Variants in HAUS7 observed in about 807,000 individuals in gnomAD.
HAUS7 encodes the protein HAUS augmin-like complex subunit 7.
Under a neutral mutation model 28.4 loss-of-function variants are expected in HAUS7, and 3 were observed. The ratio of observed to expected loss-of-function variants is 0.11; its 90% confidence interval spans 0.05 to 0.27. The LOEUF (loss-of-function observed/expected upper bound fraction) is 0.27. Among genes scored for constraint, HAUS7 ranks in the 10% least tolerant of loss-of-function variants. The pLI is 1.00. For missense variants in HAUS7, 284 were observed against 297.3 expected (o/e 0.96, Z 0.33); for synonymous variants, 165 against 132.1 (o/e 1.25, Z -1.71).
At chrX:153,457,084 A>G (rs2089323107) in intron 5 of HAUS7, 53 bp downstream of exon 5, 1 of 806,338 alleles carries the variant, frequency 1.2e-6, no homozygotes, top group East Asian at 3.1e-5. Context: ...CTCCAGAACT[A>G]GGACCAAGAG....
At chrX:153,488,098 G>T (rs782247111) in intron 1 of HAUS7, among the ~76,000 whole-genome samples, 3 of 112,816 alleles carry the variant, frequency 2.7e-5, no homozygotes, top group African/African-American at 9.7e-5. Context: ...GAAGGATGCC[G>T]CAGGAGAGGG....
intron 1 of HAUS7, among the ~76,000 whole-genome samples, chrX:153,494,326 G>C (rs894141185): frequency 1.3e-4 from 15 of 112,862 alleles, no homozygotes; most frequent in African/African-American, 4.8e-4. Flanking sequence ...GTTCAGGGCA[G>C]GCAAGCTGGG....
At chrX:153,463,915 G>A in intron 3 of HAUS7, among the ~76,000 whole-genome samples, 1 of 112,857 alleles carries the variant, frequency 8.9e-6, no homozygotes, top group Non-Finnish European at 1.9e-5. Flanking sequence ...GCTGGCAGGT[G>A]CATGAACAAT....
At chrX:153,480,397 G>A (rs1171354595) in intron 1 of HAUS7, among the ~76,000 whole-genome samples, 1 of 111,470 alleles carries the variant, frequency 9.0e-6, no homozygotes, top group African/African-American at 3.3e-5. Context: ...GGCCCCAGGG[G>A]CTGGTGGCCT....
chrX:153,463,907 T>C (rs956512969), intron 3 of HAUS7, among the ~76,000 whole-genome samples: 2 of 112,883 alleles, frequency 1.8e-5, no homozygotes, highest in African/African-American at 3.2e-5. Flanking sequence ...TGCTTCTCGC[T>C]GGCAGGTGCA....
intron 1 of HAUS7, among the ~76,000 whole-genome samples, chrX:153,493,529 G>C (rs944873240): frequency 1.8e-5 from 2 of 112,299 alleles, no homozygotes; most frequent in Non-Finnish European, 3.8e-5. Context: ...TGTCTGGAAA[G>C]GGCATATGTG....
At position 153,480,890 on chromosome X, in the gene HAUS7, C is replaced by T. The variant is rs782596685; in HGVS notation, c.-588-9745G>A. On this transcript the variant is annotated intron_variant, in intron 1 of 5. Transcript: ENST00000370210. ...CCTTGAAGCTGAGGCCCTGGCAGGCCGGCAGGGACCCTCAAGCTCAAGAGG... is the reference window on the plus strand; with the variant it reads ...CCTTGAAGCTGAGGCCCTGGCAGGCTGGCAGGGACCCTCAAGCTCAAGAGG... 9 of 753,676 alleles carry T rather than the reference C, an allele frequency of 1.2e-5. No homozygotes were observed. In the South Asian group the frequency reaches 2.0e-4, roughly 17 times the overall value. 62.1% of individuals were successfully genotyped at this position (753,676 alleles called of 1,213,427 possible). A position where few individuals can be genotyped will look rare whatever the true frequency, so the allele number is the denominator to read the frequency against.
intron 1 of HAUS7, chrX:153,481,116 C>T: frequency 1.7e-6 from 1 of 595,327 alleles, no homozygotes; most frequent in Non-Finnish European, 2.0e-6. Context: ...CCCGGTGTTT[C>T]CAAGCCAAGT....
intron 1 of HAUS7, among the ~76,000 whole-genome samples, chrX:153,491,622 TG>T (rs1227702611): frequency 8.8e-6 from 1 of 113,082 alleles, no homozygotes; most frequent in Non-Finnish European, 1.9e-5. Flanking sequence ...CCAGGCAGGC[TG>T]GGGTGGCAGC....
In HAUS7 at chrX:153,481,814, T is replaced by C. The variant is rs1472036294; in HGVS notation, c.-588-10669A>G. On this transcript the variant is annotated intron_variant, in intron 1 of 5. Transcript: ENST00000370210. ...GGCTGCCCCATGTGCGCACAGAGAA[T>C]GAAATTGCCAAGATCCCAGCCCACA... 1.9e-5 allele frequency: 14 copies of C among 753,190 alleles called. No homozygotes were observed. In the East Asian group the frequency reaches 1.4e-3, roughly 74 times the overall value. The allele number at this position is 753,190 out of a possible 1,213,427, so 62.1% of individuals were successfully genotyped here. A position where few individuals can be genotyped will look rare whatever the true frequency, so the allele number is the denominator to read the frequency against.
chrX:153,481,307 T>G, intron 1 of HAUS7: 3 of 716,210 alleles, frequency 4.2e-6, no homozygotes, highest in Non-Finnish European at 4.8e-6. Context: ...CCCCTGTTCC[T>G]CAGTAGGGCC....
At chrX:153,472,153 G>A (rs2089529907), upstream of HAUS7, among the ~76,000 whole-genome samples, 1 of 110,935 alleles carries the variant, frequency 9.0e-6, no homozygotes, top group Admixed American at 9.5e-5. Flanking sequence ...TGAGGACCGG[G>A]AAGAAACCAG....
chrX:153,487,147 AG>A, intron 1 of HAUS7: 2 of 216,290 alleles, frequency 9.2e-6, no homozygotes, highest in Non-Finnish European at 1.7e-5. Context: ...AGAGATTCAG[AG>A]GGCTTGGGTC....
chrX:153,470,538 C>A lies in HAUS7; in HGVS notation c.20G>T (p.Gly7Val), dbSNP rs782312168. 1 of 1,192,857 alleles carries A rather than the reference C, an allele frequency of 8.4e-7. No homozygotes were observed. The highest frequency in any genetic ancestry group is 1.1e-6 in the Non-Finnish European group (1 of 886,785). Residue 7 changes from glycine (G) to valine (V), a missense_variant, in exon 1 of 10, where the codon GGC (glycine) becomes GTC (valine). Transcript: ENST00000370211. Reference sequence around the variant, plus strand: ...GTAGTCGTCGCCGCCACGGCCGCAGCCAGCGTCCTGCCCCGCCATGTTTCG... The same window carrying A: ...GTAGTCGTCGCCGCCACGGCCGCAGACAGCGTCCTGCCCCGCCATGTTTCG... MAGQDA[G>V]CGRGGDDYSE...
chrX:153,469,016 C>T (rs2089487081), intron 2 of HAUS7, 130 bp downstream of exon 2: 1 of 480,752 alleles, frequency 2.1e-6, no homozygotes. Flanking sequence ...TCACGAGGGT[C>T]CAGGCTAGGG....
At chrX:153,492,843 G>A (rs368671063) in intron 1 of HAUS7, among the ~76,000 whole-genome samples, 277 of 111,398 alleles carry the variant, frequency 2.5e-3, no homozygotes, top group South Asian at 0.019. Flanking sequence ...ACTGTGCATG[G>A]CCCTGCGCCC....
rs2089669551 is a variant in HAUS7, at chrX:153,491,284, G to C, written c.-589+4090C>G. On this transcript the variant is annotated intron_variant, in intron 1 of 5. Transcript: ENST00000370210. Reference sequence around the variant, plus strand: ...CTCACACCACCCGCCAGTATTTCATGCCCAAATGGGACCAGAGAGCTCACA... The same window carrying C: ...CTCACACCACCCGCCAGTATTTCATCCCCAAATGGGACCAGAGAGCTCACA... Among the ~76,000 whole-genome samples the C allele has an allele frequency of 2.7e-5, 3 of 112,442 alleles. No homozygotes were observed. In the South Asian group the frequency reaches 1.1e-3, roughly 41 times the overall value.
At chrX:153,470,297 A>T (rs2089504527) in intron 1 of HAUS7, among the ~76,000 whole-genome samples, 153 bp downstream of exon 1, 1 of 113,545 alleles carries the variant, frequency 8.8e-6, no homozygotes, top group Admixed American at 9.2e-5. Flanking sequence ...TGAATGATCC[A>T]CAAGCACCCC....
At position 153,454,385 on chromosome X, in the gene HAUS7, G is replaced by C. The variant is rs782661091; in HGVS notation, c.1045+9C>G. On this transcript the variant is annotated intron_variant, in intron 9 of 9. Coordinates refer to ENST00000370211, the MANE Select transcript of HAUS7 (RefSeq NM_001385482.1). ...CCCCAGGCAGAGGGCCAGGTGGGCAGCCACGTACCTAGACTCATGACGGAG... is the reference window on the plus strand; with the variant it reads ...CCCCAGGCAGAGGGCCAGGTGGGCACCCACGTACCTAGACTCATGACGGAG... 1 of 1,075,984 alleles carries C rather than the reference G, an allele frequency of 9.3e-7. No homozygotes were observed. 88.7% of individuals were successfully genotyped at this position (1,075,984 alleles called of 1,213,427 possible).
Sources: allele counts gnomAD v4.1 joint callset (sites outside exome capture counted in the v4.1 genomes callset), GRCh38; gene constraint gnomAD v4.1.1; transcripts MANE v1.5; gene names NCBI Gene and HGNC (gene_info 2026-07-23, HGNC 2026-07-21).